PPIE: variants seen among roughly 807,000 people sequenced by gnomAD.
PPIE encodes the protein peptidyl-prolyl cis-trans isomerase E.
PPIE carries 20 observed loss-of-function variants against 38.4 expected under a neutral mutation model. That is an observed-to-expected ratio of 0.52 (90% CI 0.37 to 0.76). The LOEUF is 0.76. Ranked by LOEUF, PPIE falls within the 30% of genes least tolerant of loss-of-function variation. The pLI is 0.00. For missense variants in PPIE, 322 were observed against 385.8 expected, an observed-to-expected ratio of 0.83 and a Z score of 1.39; for synonymous variants, 142 against 135.7, an observed-to-expected ratio of 1.05 and a Z score of -0.32.
intron 8 of PPIE, among the ~76,000 whole-genome samples, chr1:39,749,891 T>C (rs1647531948): frequency 6.6e-6 from 1 of 152,192 alleles, no homozygotes; most frequent in Non-Finnish European, 1.5e-5. Flanking sequence ...CCCAGCATTT[T>C]GGGAGGCAGA....
chr1:39,760,250 AG>A, downstream of PPIE: 1 of 1,133,564 alleles, frequency 8.8e-7, no homozygotes, highest in Non-Finnish European at 1.2e-6. Context: ...TGGCAGGGCA[AG>A]GGGAGCATAG....
In PPIE at chr1:39,756,673, G is replaced by A. The variant is rs1324603392; in HGVS notation, c.*3318G>A. ...CACAAAGAAACATATATAGTACAGT[G>A]TGATCCCAATTTTGTAAAAATATCT... On this transcript the variant is annotated 3_prime_UTR_variant, in exon 10 of 10. Coordinates refer to ENST00000324379, the MANE Select transcript of PPIE (RefSeq NM_006112.4). 3.3e-6 allele frequency: 3 copies of A among 920,162 alleles called. No homozygotes were observed. The highest frequency in any genetic ancestry group is 2.6e-6 in the Non-Finnish European group (2 of 770,542). The allele number at this position is 920,162 out of a possible 1,614,324, so 57.0% of individuals were successfully genotyped here. A position where few individuals can be genotyped will look rare whatever the true frequency, so the allele number is the denominator to read the frequency against.
rs1173109272 is a variant in PPIE at position 39,753,769 on chromosome 1, C to T, written c.*414C>T. 15 of 1,008,580 alleles carry T rather than the reference C, an allele frequency of 1.5e-5. No individual in the cohort carries two copies. The highest frequency in any genetic ancestry group is 1.8e-5 in the Non-Finnish European group (15 of 844,598). The allele number at this position is 1,008,580 out of a possible 1,614,324, so 62.5% of individuals were successfully genotyped here. On this transcript the variant is annotated 3_prime_UTR_variant, in exon 10 of 10. Transcript: ENST00000324379. The stretch of plus-strand genomic sequence containing the variant: ...CTGTGGCTAAGCTGGACCTCTGAGG[C>T]AGGCTGGTGAGTGGGGAGAGCAGAG...
chr1:39,744,102 A>G (rs1455487700), intron 6 of PPIE, among the ~76,000 whole-genome samples, 178 bp downstream of exon 6: 2 of 152,174 alleles, frequency 1.3e-5, no homozygotes, highest in African/African-American at 2.4e-5. Flanking sequence ...TAAAGTCAAT[A>G]TCGAGTGAAT....
intron 4 of PPIE, 58 bp from the exon 5 acceptor site, chr1:39,743,158 T>C: frequency 6.9e-7 from 1 of 1,443,162 alleles, no homozygotes; most frequent in Non-Finnish European, 9.7e-7. Flanking sequence ...TATGGAAAGC[T>C]GGCTGGCCCT....
chr1:39,742,495 T>C (rs1215831036), intron 4 of PPIE: 5 of 115,400 alleles, frequency 4.3e-5, no homozygotes, highest in Non-Finnish European at 6.3e-5. Flanking sequence ...TCTTTCTTTT[T>C]TTTTTTTTTT....
exon 10 of PPIE, chr1:39,763,753 G>A (rs373108442): frequency 7.5e-5 from 121 of 1,604,034 alleles, no homozygotes; most frequent in Admixed American, 2.2e-4. Context: ...AGCTCGTGCC[G>A]ACGGCAGACC....
chr1:39,744,011 A>G (rs1315300671), intron 6 of PPIE, 87 bp downstream of exon 6: 3 of 834,824 alleles, frequency 3.6e-6, no homozygotes, highest in Non-Finnish European at 3.7e-6. Context: ...AAATTTGCCA[A>G]TATGTATATC....
chr1:39,745,661 C>A lies in PPIE; in HGVS notation c.508+163C>A, dbSNP rs955705549. On this transcript the variant is annotated intron_variant, in intron 7 of 9. Coordinates refer to ENST00000324379, the MANE Select transcript of PPIE (RefSeq NM_006112.4). ...GGATCTAGTAACAGATAAGTCAGAG[C>A]AGGTGTTTTTGAAGCTTTATAAGTG... 1.5e-5 allele frequency: 17 copies of A among 1,151,956 alleles called. No homozygotes were observed. The African/African-American group carries it at 2.5e-4, about 17-fold the overall frequency. 71.4% of individuals were successfully genotyped at this position (1,151,956 alleles called of 1,614,324 possible). A position where few individuals can be genotyped will look rare whatever the true frequency, so the allele number is the denominator to read the frequency against.
In PPIE at chr1:39,741,242, A is replaced by G. The variant is rs1217796470; in HGVS notation, c.131-124A>G. ...CAAGAATGAGATTCCTTCTTCCTAA[A>G]TAGTGATTGGATAGAACTTCTGGTG... On this transcript the variant is annotated intron_variant, in intron 2 of 9. Coordinates refer to ENST00000324379, the MANE Select transcript of PPIE (RefSeq NM_006112.4). The G allele has an allele frequency of 4.7e-5, 37 of 781,712 alleles. No homozygotes were observed. In the South Asian group the frequency reaches 5.1e-4, roughly 11 times the overall value. The allele number at this position is 781,712 out of a possible 1,614,324, so 48.4% of individuals were successfully genotyped here.
Position 39,755,780 on chromosome 1 carries a change from C to A in PPIE, c.*2425C>A. The A allele has an allele frequency of 1.0e-6, 1 of 985,382 alleles. No homozygotes were observed. The highest frequency in any genetic ancestry group is 1.2e-6 in the Non-Finnish European group (1 of 829,904). 61.0% of individuals were successfully genotyped at this position (985,382 alleles called of 1,614,324 possible). A position where few individuals can be genotyped will look rare whatever the true frequency, so the allele number is the denominator to read the frequency against. ...GGGTGTGGACTCCTCTCCCAGTGTT[C>A]CTCCTGGGTGTTCACAGATGTTATT... is the stretch of plus-strand genomic sequence containing the variant. On this transcript the variant is annotated 3_prime_UTR_variant, in exon 10 of 10. Coordinates refer to ENST00000324379, the MANE Select transcript of PPIE (RefSeq NM_006112.4).
At chr1:39,748,527 A>T in intron 7 of PPIE, 1 of 202,884 alleles carries the variant, frequency 4.9e-6, no homozygotes, top group Non-Finnish European at 1.0e-5. Flanking sequence ...CATCTGAGGT[A>T]GGAGTTCTAG....
chr1:39,743,138 C>T, intron 4 of PPIE, 78 bp from the exon 5 acceptor site: 1 of 1,273,794 alleles, frequency 7.9e-7, no homozygotes, highest in Non-Finnish European at 1.1e-6. Flanking sequence ...ATGAGTGTGT[C>T]TCAGAAGTAT....
chr1:39,741,776 C>T, intron 3 of PPIE, 119 bp from the exon 4 acceptor site: 1 of 1,144,580 alleles, frequency 8.7e-7, no homozygotes, highest in South Asian at 1.3e-5. Flanking sequence ...CACACAAAAC[C>T]TAGGCAAGAA....
At chr1:39,751,764 G>A (rs1349770765) in intron 8 of PPIE, among the ~76,000 whole-genome samples, 1 of 152,088 alleles carries the variant, frequency 6.6e-6, no homozygotes, top group East Asian at 1.9e-4. Flanking sequence ...AATGCCAGTA[G>A]CACCCCCACA....
At chr1:39,741,320 A>C in intron 2 of PPIE, 46 bp from the exon 3 acceptor site, 1 of 1,584,130 alleles carries the variant, frequency 6.3e-7, no homozygotes, top group Non-Finnish European at 8.7e-7. Context: ...GTTTCTTCCC[A>C]CTACCCCACA....
At chr1:39,744,501 C>T (rs1647144569) in intron 6 of PPIE, among the ~76,000 whole-genome samples, 1 of 152,192 alleles carries the variant, frequency 6.6e-6, no homozygotes. Flanking sequence ...TCTTTCTTGG[C>T]TCATGGTTTC....
At chr1:39,748,864 AT>A in intron 7 of PPIE, 38 bp from the exon 8 acceptor site, 1 of 1,577,092 alleles carries the variant, frequency 6.3e-7, no homozygotes, top group Admixed American at 1.9e-5. Context: ...ATTTTGTCCT[AT>A]TTTTTAACCC....
At chr1:39,763,198 C>G in intron 9 of PPIE, 1 of 1,611,622 alleles carries the variant, frequency 6.2e-7, no homozygotes, top group South Asian at 1.1e-5. Flanking sequence ...AGCGATGACC[C>G]AGTCCTGGGG....
Sources: allele counts gnomAD v4.1 joint callset (sites outside exome capture counted in the v4.1 genomes callset), GRCh38; gene constraint gnomAD v4.1.1; transcripts MANE v1.5; gene names NCBI Gene and HGNC (gene_info 2026-07-23, HGNC 2026-07-21).